The following TNIP3 variants were observed in gnomAD, a reference collection of about 807,000 sequenced individuals.
TNIP3 encodes the protein TNFAIP3-interacting protein 3.
In TNIP3, 34 loss-of-function variants were observed where a neutral mutation model predicts 54.1. The observed-to-expected ratio is 0.63, with a 90% CI of 0.48 to 0.84. The LOEUF (loss-of-function observed/expected upper bound fraction) is 0.84. TNIP3 is among the 40% of genes least tolerant of loss of function. The pLI is 0.00. For missense variants in TNIP3, 366 were observed against 387.6 expected (o/e 0.94, Z 0.47); for synonymous variants, 134 against 136.8 (o/e 0.98, Z 0.14).
upstream of TNIP3, among the ~76,000 whole-genome samples, chr4:121,217,822 T>G (rs1579510663): frequency 6.6e-6 from 1 of 152,200 alleles, no homozygotes; most frequent in African/African-American, 2.4e-5. Flanking sequence ...TTTCAAAAAT[T>G]ACCGTTAAAA....
At chr4:121,168,847 T>C (rs1227638829), upstream of TNIP3, among the ~76,000 whole-genome samples, 2 of 152,200 alleles carry the variant, frequency 1.3e-5, no homozygotes, top group Admixed American at 6.5e-5. Flanking sequence ...ATTTTATTCA[T>C]AGGAACATTT....
intron 4 of TNIP3, among the ~76,000 whole-genome samples, chr4:121,154,893 T>C (rs1173198746): frequency 6.6e-6 from 1 of 152,064 alleles, no homozygotes; most frequent in Non-Finnish European, 1.5e-5. Context: ...GGAATCTTTC[T>C]TTTATCAGAA....
chr4:121,187,643 T>A (rs1725090664), intron 2 of TNIP3, among the ~76,000 whole-genome samples: 3 of 152,174 alleles, frequency 2.0e-5, no homozygotes, highest in Admixed American at 2.0e-4. Context: ...CAACTATAGG[T>A]CCCTCCAACT....
upstream of TNIP3, among the ~76,000 whole-genome samples, chr4:121,166,718 T>C (rs1730787523): frequency 6.6e-6 from 1 of 152,242 alleles, no homozygotes; most frequent in African/African-American, 2.4e-5. Context: ...TATATTTCTA[T>C]AAGTTATTGG....
upstream of TNIP3, among the ~76,000 whole-genome samples, chr4:121,220,659 C>A (rs961183233): frequency 4.0e-5 from 6 of 151,714 alleles, no homozygotes; most frequent in Admixed American, 1.3e-4. Flanking sequence ...TATATAATGG[C>A]AAAAAAGTAA....
chr4:121,205,591 C>T (rs1726136376), intron 2 of TNIP3, among the ~76,000 whole-genome samples: 1 of 151,832 alleles, frequency 6.6e-6, no homozygotes, highest in African/African-American at 2.4e-5. Context: ...GTTTAAGAAG[C>T]TCTTGAAATT....
chr4:121,220,488 CT>C (rs950971754), upstream of TNIP3, among the ~76,000 whole-genome samples: 150 of 151,998 alleles, frequency 9.9e-4, no homozygotes, highest in African/African-American at 3.4e-3. Flanking sequence ...TAATTAACTA[CT>C]TTTTTTTTGT....
At chr4:121,154,490 G>A (rs970264920) in intron 5 of TNIP3, 61 bp downstream of exon 5, 5 of 1,600,866 alleles carry the variant, frequency 3.1e-6, no homozygotes, top group Non-Finnish European at 4.3e-6. Flanking sequence ...GCGACTGTCA[G>A]TAAGAATGTT....
intron 2 of TNIP3, among the ~76,000 whole-genome samples, chr4:121,192,620 C>T (rs1420001665): frequency 1.3e-5 from 2 of 152,148 alleles, no homozygotes; most frequent in African/African-American, 4.8e-5. Context: ...CTAGAGGGCA[C>T]TCTGCACTCA....
At chr4:121,155,173 C>T (rs960282237) in intron 4 of TNIP3, among the ~76,000 whole-genome samples, 4 of 151,994 alleles carry the variant, frequency 2.6e-5, no homozygotes, top group African/African-American at 9.7e-5. Flanking sequence ...CTATGTTGGC[C>T]AGGCTGGTCT....
chr4:121,207,303 TG>T (rs1351487547), intron 2 of TNIP3, among the ~76,000 whole-genome samples: 1 of 152,188 alleles, frequency 6.6e-6, no homozygotes, highest in Non-Finnish European at 1.5e-5. Context: ...CATTAAGCAT[TG>T]ACAGCTATAA....
At chr4:121,175,215 T>C (rs998891558) in intron 3 of TNIP3, among the ~76,000 whole-genome samples, 2 of 152,224 alleles carry the variant, frequency 1.3e-5, no homozygotes. Context: ...CCAAAACTTC[T>C]TCAGATTTAC....
At position 121,157,129 on chromosome 4, in the gene TNIP3, G is replaced by GCTGCCTGTCGTCCTCT; in HGVS notation, c.312_327dup (p.Asp111GlyfsTer24). Reference sequence around the variant, plus strand: ...TGCAGCCGGTCCCGGGTCAGGTCGCGCTGCCTGTCGTCCTCTCTCTGCCTG... The same window carrying GCTGCCTGTCGTCCTCT: ...TGCAGCCGGTCCCGGGTCAGGTCGCGCTGCCTGTCGTCCTCTCTGCCTGTCGTCCTCTCTCTGCCTG... On this transcript the variant is annotated frameshift_variant, in exon 4 of 11. Coordinates refer to ENST00000057513, the MANE Select transcript of TNIP3 (RefSeq NM_024873.6). LOFTEE classifies it high-confidence loss of function. 2 of 1,613,968 alleles carry GCTGCCTGTCGTCCTCT rather than the reference G, an allele frequency of 1.2e-6. No individual in the cohort carries two copies. The highest frequency in any genetic ancestry group is 1.7e-6 in the Non-Finnish European group (2 of 1,179,986).
chr4:121,217,446 G>A (rs777143605), upstream of TNIP3, among the ~76,000 whole-genome samples: 3 of 152,128 alleles, frequency 2.0e-5, no homozygotes, highest in African/African-American at 7.2e-5. Context: ...AGTGTTGGAG[G>A]GTGGCTTTTT....
chr4:121,201,104 T>C (rs1031602586), intron 2 of TNIP3, among the ~76,000 whole-genome samples: 3 of 152,146 alleles, frequency 2.0e-5, no homozygotes, highest in Non-Finnish European at 2.9e-5. Flanking sequence ...CTCTAAGCTA[T>C]GTAAATGGAT....
upstream of TNIP3, among the ~76,000 whole-genome samples, chr4:121,220,640 T>C (rs1204774861): frequency 1.3e-5 from 2 of 152,180 alleles, no homozygotes; most frequent in African/African-American, 4.8e-5. Context: ...TATATACATT[T>C]TATTTAAATA....
chr4:121,221,054 G>C (rs897168013), upstream of TNIP3, among the ~76,000 whole-genome samples: 1 of 152,180 alleles, frequency 6.6e-6, no homozygotes, highest in East Asian at 1.9e-4. Flanking sequence ...AAAATTTTTG[G>C]TTTACTGTTA....
At chr4:121,189,865 G>C (rs530216615) in intron 2 of TNIP3, among the ~76,000 whole-genome samples, 1 of 152,170 alleles carries the variant, frequency 6.6e-6, no homozygotes, top group African/African-American at 2.4e-5. Flanking sequence ...CTAGCTCCCT[G>C]TTTATTTCCT....
At chr4:121,141,720 T>C (rs1196834371) in intron 9 of TNIP3, 96 bp downstream of exon 9, 4 of 789,478 alleles carry the variant, frequency 5.1e-6, no homozygotes, top group Non-Finnish European at 7.3e-6. Flanking sequence ...CAGAGGCTCT[T>C]GCTGTAGATA....
Sources: allele counts gnomAD v4.1 joint callset (sites outside exome capture counted in the v4.1 genomes callset), GRCh38; gene constraint gnomAD v4.1.1; transcripts MANE v1.5; gene names NCBI Gene and HGNC (gene_info 2026-07-23, HGNC 2026-07-21).